ATP8B1: variants seen among roughly 807,000 people sequenced by gnomAD.
The protein encoded by ATP8B1 is phospholipid-transporting ATPase IC.
Under a neutral mutation model 149.9 loss-of-function variants are expected in ATP8B1, and 80 were observed. The observed-to-expected ratio is 0.53, with a 90% CI of 0.45 to 0.64. The LOEUF (loss-of-function observed/expected upper bound fraction) is 0.64, where lower values mean the gene tolerates loss of function less well. Ranked by LOEUF, ATP8B1 falls within the 30% of genes least tolerant of loss-of-function variation. The pLI, the probability that ATP8B1 is intolerant of heterozygous loss-of-function variation, is 0.00. For synonymous variants in ATP8B1, 536 were observed against 562.8 expected, an observed-to-expected ratio of 0.95 and a Z score of 0.67; for missense variants, 1,247 against 1,552.6, an observed-to-expected ratio of 0.80 and a Z score of 3.31.
chr18:57,705,907 G>T (rs1256847236), intron 3 of ATP8B1, among the ~76,000 whole-genome samples: 3 of 152,134 alleles, frequency 2.0e-5, no homozygotes, highest in African/African-American at 4.8e-5. Context: ...TGTCACCCAA[G>T]CTGGAGTGCA....
chr18:57,670,786 AC>A (rs1911176836), intron 17 of ATP8B1, among the ~76,000 whole-genome samples: 1 of 151,154 alleles, frequency 6.6e-6, no homozygotes, highest in South Asian at 2.1e-4. Context: ...GGCTCACTCT[AC>A]CCCCTCCCTC....
At chr18:57,695,053 AAAG>A in intron 10 of ATP8B1, 115 bp downstream of exon 10, 7 of 864,562 alleles carry the variant, frequency 8.1e-6, no homozygotes, top group Admixed American at 3.0e-5. Flanking sequence ...AAAAAAAAAA[AAAG>A]CTCATGATGC....
intron 8 of ATP8B1, among the ~76,000 whole-genome samples, chr18:57,696,652 C>CAG (rs1160105103): frequency 6.6e-6 from 1 of 151,828 alleles, no homozygotes; most frequent in East Asian, 1.9e-4. Flanking sequence ...CTCTGTAAAG[C>CAG]AGTGTATGCA....
chr18:57,685,967 G>C (rs1912218771), intron 13 of ATP8B1, among the ~76,000 whole-genome samples: 1 of 151,424 alleles, frequency 6.6e-6, no homozygotes, highest in Non-Finnish European at 1.5e-5. Context: ...ACAATTGTAG[G>C]CCGGGTGTGG....
At chr18:57,727,691 A>T (rs2079722203) in intron 2 of ATP8B1, among the ~76,000 whole-genome samples, 1 of 152,172 alleles carries the variant, frequency 6.6e-6, no homozygotes, top group Non-Finnish European at 1.5e-5. Flanking sequence ...TGGGAGGCTG[A>T]GGCAGGAGAA....
intron 20 of ATP8B1, among the ~76,000 whole-genome samples, chr18:57,666,613 G>T (rs1352073294): frequency 2.0e-5 from 3 of 150,284 alleles, no homozygotes; most frequent in African/African-American, 7.4e-5. Flanking sequence ...TTGGCTCACT[G>T]CAACCTCTGC....
chr18:57,676,390 A>G (rs1211711253), intron 15 of ATP8B1, among the ~76,000 whole-genome samples: 1 of 150,464 alleles, frequency 6.6e-6, no homozygotes, highest in Non-Finnish European at 1.5e-5. Context: ...TTTCTTTACC[A>G]TAGCTATATT....
chr18:57,724,495 A>G (rs542896815), intron 2 of ATP8B1, among the ~76,000 whole-genome samples: 1 of 152,312 alleles, frequency 6.6e-6, no homozygotes, highest in East Asian at 1.9e-4. Flanking sequence ...AAAACACATG[A>G]AAAAATGCTC....
chr18:57,702,372 G>C (rs1913169292), intron 4 of ATP8B1, among the ~76,000 whole-genome samples: 1 of 152,184 alleles, frequency 6.6e-6, no homozygotes, highest in Admixed American at 6.5e-5. Flanking sequence ...GTCTTGGTCA[G>C]CTCTATCATT....
intron 2 of ATP8B1, among the ~76,000 whole-genome samples, chr18:57,717,366 A>G (rs1174729583): frequency 6.6e-6 from 1 of 151,724 alleles, no homozygotes; most frequent in Non-Finnish European, 1.5e-5. Context: ...TAACACACTG[A>G]AACCCCATTG....
chr18:57,709,137 A>C (rs17753577), intron 2 of ATP8B1, among the ~76,000 whole-genome samples: 19,014 of 152,252 alleles, frequency 0.12, 1,436 homozygotes, highest in South Asian at 0.28. Flanking sequence ...GTTTGGCCTA[A>C]TTCAGACAAA....
chr18:57,701,682 C>T (rs1476931795), intron 4 of ATP8B1, among the ~76,000 whole-genome samples: 1 of 151,574 alleles, frequency 6.6e-6, no homozygotes, highest in African/African-American at 2.4e-5. Context: ...GGAGAAGTCT[C>T]GTCTTAACTT....
At chr18:57,668,329 G>C in intron 19 of ATP8B1, 100 bp downstream of exon 19, 1 of 1,355,030 alleles carries the variant, frequency 7.4e-7, no homozygotes, top group Non-Finnish European at 1.1e-6. Context: ...AACAGTGTTT[G>C]TACAGGATGA....
chr18:57,717,406 G>A (rs1297332737), intron 2 of ATP8B1, among the ~76,000 whole-genome samples: 1 of 151,224 alleles, frequency 6.6e-6, no homozygotes, highest in African/African-American at 2.4e-5. Flanking sequence ...AACTTAGGTG[G>A]GCACAGTGGC....
chr18:57,654,695 CTTTT>C (rs35541979), intron 23 of ATP8B1, among the ~76,000 whole-genome samples: 24 of 131,410 alleles, frequency 1.8e-4, no homozygotes, highest in South Asian at 2.4e-4. Flanking sequence ...AAATCCCCTC[CTTTT>C]TTTTTTTTTT....
chr18:57,682,881 G>A (rs760373493), intron 15 of ATP8B1, among the ~76,000 whole-genome samples: 2 of 151,916 alleles, frequency 1.3e-5, no homozygotes, highest in Non-Finnish European at 1.5e-5. Context: ...CTCCATCACC[G>A]AAGCTGGAGG....
At chr18:57,700,649 A>C (rs1323027742) in intron 6 of ATP8B1, among the ~76,000 whole-genome samples, 1 of 152,184 alleles carries the variant, frequency 6.6e-6, no homozygotes, top group African/African-American at 2.4e-5. Flanking sequence ...AAGGCCAGGC[A>C]TGGTGGCTTA....
In ATP8B1 at chr18:57,795,531, A is replaced by C. The variant is rs541199565; in HGVS notation, c.-26+7467T>G. On this transcript the variant is annotated intron_variant, in intron 1 of 27. Coordinates refer to ENST00000648908, the MANE Select transcript of ATP8B1 (RefSeq NM_001374385.1). ...AATGGAATATTATTCAGCCCTAAAA[A>C]AGGAAGGAAATTCTGACTTGTGCTA... is the stretch of plus-strand genomic sequence containing the variant. Among the ~76,000 whole-genome samples, 29 of 152,358 alleles carry C rather than the reference A, an allele frequency of 1.9e-4. No individual in the cohort carries two copies. In the South Asian group the frequency reaches 5.4e-3, roughly 28 times the overall value.
chr18:57,659,913 C>G (rs574089344), intron 22 of ATP8B1: 9 of 152,268 alleles, frequency 5.9e-5, no homozygotes, highest in African/African-American at 2.2e-4. Context: ...CAGGAACATG[C>G]AATTACCTAT....
Sources: gnomAD v4.1 joint callset for allele counts (sites outside exome capture counted in the v4.1 genomes callset) on GRCh38, gnomAD v4.1.1 for gene constraint, MANE v1.5 for transcripts, NCBI Gene and HGNC (gene_info 2026-07-23, HGNC 2026-07-21) for gene names.